Variants in ATAD3A observed in about 807,000 individuals in gnomAD.
The protein encoded by ATAD3A is ATPase family AAA domain-containing protein 3A.
ATAD3A carries 46 observed loss-of-function variants against 73.8 expected under a neutral mutation model. The ratio of observed to expected loss-of-function variants is 0.62; its 90% confidence interval spans 0.49 to 0.80. The LOEUF (loss-of-function observed/expected upper bound fraction) is 0.80, where lower values mean the gene tolerates loss of function less well. Among genes scored for constraint, ATAD3A ranks in the 30% least tolerant of loss-of-function variants. The pLI, the probability that ATAD3A is intolerant of heterozygous loss-of-function variation, is 0.00. For missense variants in ATAD3A, 705 were observed against 838.0 expected (o/e 0.84, Z 1.96); for synonymous variants, 319 against 350.0 (o/e 0.91, Z 0.99).
At position 1,527,561 on chromosome 1, in the gene ATAD3A, G is replaced by A. The variant is rs868384194; in HGVS notation, c.1338-134G>A. On this transcript the variant is annotated intron_variant, in intron 13 of 15. Transcript: ENST00000378756. ...GCTGGGTGCAGTGGGGCAGGTGGCC[G>A]ACCAGGGCTGTGCCCGTGTCCTCGT... The A allele has an allele frequency of 5.8e-5, 74 of 1,273,988 alleles. No homozygotes were observed. In the African/African-American group the frequency reaches 9.0e-4, roughly 16 times the overall value. The allele number at this position is 1,273,988 out of a possible 1,614,324, so 78.9% of individuals were successfully genotyped here.
At chr1:1,516,216 A>T in intron 2 of ATAD3A, 128 bp downstream of exon 2, 1 of 1,401,868 alleles carries the variant, frequency 7.1e-7, no homozygotes, top group East Asian at 2.5e-5. Context: ...CCCAGGGCCA[A>T]GCTTGGGCGC....
At chr1:1,528,790 G>A (rs1246664332) in intron 14 of ATAD3A, among the ~76,000 whole-genome samples, 2 of 152,232 alleles carry the variant, frequency 1.3e-5, no homozygotes, top group Admixed American at 6.5e-5. Flanking sequence ...CCTGCTCCAT[G>A]CCAGCCCAGC....
chr1:1,520,417 C>T lies in ATAD3A; in HGVS notation c.680+111C>T, dbSNP rs1044037674. 39 of 1,593,610 alleles carry T rather than the reference C, an allele frequency of 2.4e-5. No homozygotes were observed. Among genetic ancestry groups the T allele is most frequent in the Non-Finnish European group, 3.2e-5 (37 of 1,166,668 alleles). Reference sequence around the variant, plus strand: ...AGGCCTTGCCGCCGTAGGCTGACTCCTTGGTGGGGGCACTGCCCCTCTGTC... The same window carrying T: ...AGGCCTTGCCGCCGTAGGCTGACTCTTTGGTGGGGGCACTGCCCCTCTGTC... On this transcript the variant is annotated intron_variant, in intron 6 of 15. Coordinates refer to ENST00000378756, the MANE Select transcript of ATAD3A (RefSeq NM_001170535.3). The surrounding 1 kb of genome is among the most constrained non-coding windows in gnomAD (Gnocchi z 4.0).
intron 15 of ATAD3A, among the ~76,000 whole-genome samples, chr1:1,533,646 G>A (rs1331616742): frequency 6.6e-5 from 10 of 152,122 alleles, no homozygotes; most frequent in Admixed American, 6.5e-4. Context: ...AAGCTGCCCT[G>A]GGTCGGCGGT....
At position 1,529,429 on chromosome 1, in the gene ATAD3A, A is replaced by G. The variant is rs547810136; in HGVS notation, c.1614+98A>G. 5.4e-6 allele frequency: 8 copies of G among 1,490,944 alleles called. No homozygotes were observed. The South Asian group carries it at 9.4e-5, about 17-fold the overall frequency. 92.4% of individuals were successfully genotyped at this position (1,490,944 alleles called of 1,614,324 possible). A position where few individuals can be genotyped will look rare whatever the true frequency, so the allele number is the denominator to read the frequency against. Reference sequence around the variant, plus strand: ...TGTCCCAGCACCGGTGTCACGCGGGAGCTTCTGTTGAGGGGTTTTCAGTGC... The same window carrying G: ...TGTCCCAGCACCGGTGTCACGCGGGGGCTTCTGTTGAGGGGTTTTCAGTGC... On this transcript the variant is annotated intron_variant, in intron 15 of 15. Transcript: ENST00000378756.
Position 1,534,314 on chromosome 1 carries a change from A to G in ATAD3A, c.*242A>G, listed in dbSNP as rs1324668680. 2.1e-6 allele frequency: 3 copies of G among 1,419,766 alleles called. No individual in the cohort carries two copies. The highest frequency in any genetic ancestry group is 2.6e-5 in the East Asian group (1 of 38,716). 87.9% of individuals were successfully genotyped at this position (1,419,766 alleles called of 1,614,324 possible). On this transcript the variant is annotated 3_prime_UTR_variant, in exon 16 of 16. Transcript: ENST00000378756. ...CTGCCCCTCGAGACACTCTTGGGAG[A>G]TGCATTTTCCGTCTGGCTCACAGGG... is the stretch of plus-strand genomic sequence containing the variant.
At chr1:1,533,786 G>A (rs1405107114) in intron 15 of ATAD3A, 140 bp from the exon 16 acceptor site, 19 of 1,243,964 alleles carry the variant, frequency 1.5e-5, no homozygotes, top group Admixed American at 2.6e-5. Flanking sequence ...GGGCTCTGCC[G>A]AGGTGCGGGA....
In ATAD3A at chr1:1,520,046, G is replaced by A. The variant is rs1285082126; in HGVS notation, c.515-95G>A. The A allele has an allele frequency of 1.2e-4, 180 of 1,513,854 alleles. No individual in the cohort carries two copies. The highest frequency in any genetic ancestry group is 1.2e-3 in the Middle Eastern group (5 of 4,244). 93.8% of individuals were successfully genotyped at this position (1,513,854 alleles called of 1,614,324 possible). On this transcript the variant is annotated intron_variant, in intron 5 of 15. Coordinates refer to ENST00000378756, the MANE Select transcript of ATAD3A (RefSeq NM_001170535.3). This position sits in a 1 kb window ranked among gnomAD's most constrained non-coding sequence, Gnocchi z 4.0. ...TCTGTGGCGTTGGTCTGTCCGTGGC[G>A]TGGGCCGGTCCGTGGCGTGGGCCGG...
rs114557796 is a variant in ATAD3A, at chr1:1,522,651, G to T, written c.751-93G>T. The T allele has an allele frequency of 5.4e-3, 8,568 of 1,573,410 alleles. 245 individuals carry two copies. In the African/African-American group the frequency reaches 0.073, roughly 13 times the overall value. On this transcript the variant is annotated intron_variant, in intron 7 of 15. Transcript: ENST00000378756. The stretch of plus-strand genomic sequence containing the variant: ...GCACGGCCCTGTGCTTCTCCCTCGG[G>T]CGGAGAGAGGGTGGGGGCAGCCCCG...
At chr1:1,526,967 C>A (rs1557474739) in intron 13 of ATAD3A, among the ~76,000 whole-genome samples, 1 of 152,238 alleles carries the variant, frequency 6.6e-6, no homozygotes. Context: ...CGGGGCGGAA[C>A]CTGGGACCTT....
Position 1,523,734 on chromosome 1 carries a change from G to T in ATAD3A, c.964-105G>T. 1 of 1,590,038 alleles carries T rather than the reference G, an allele frequency of 6.3e-7. No homozygotes were observed. The highest frequency in any genetic ancestry group is 8.6e-7 in the Non-Finnish European group (1 of 1,166,772). ...AGATAGGCTGCCCCTGAGGTGGGAG[G>T]CTTCCCGAGGAGCCGAGTCTGCACC... On this transcript the variant is annotated intron_variant, in intron 9 of 15. Coordinates refer to ENST00000378756, the MANE Select transcript of ATAD3A (RefSeq NM_001170535.3). This position sits in a 1 kb window ranked among gnomAD's most constrained non-coding sequence, Gnocchi z 5.1.
Position 1,527,759 on chromosome 1 carries a change from A to C in ATAD3A, c.1402A>C (p.Asn468His), listed in dbSNP as rs769794370. 1 of 1,613,950 alleles carries C rather than the reference A, an allele frequency of 6.2e-7. No homozygotes were observed. The highest frequency in any genetic ancestry group is 8.5e-7 in the Non-Finnish European group (1 of 1,179,954). Residue 468 changes from asparagine (N) to histidine (H), a missense_variant, in exon 14 of 16, where the codon AAT (asparagine) becomes CAT (histidine). Asn to His is a moderately conservative substitution (Grantham distance 68). Coordinates refer to ENST00000378756, the MANE Select transcript of ATAD3A (RefSeq NM_001170535.3). ...QFDWAINDRI[N>H]EMVHFDLPGQ... ...CGACTGGGCCATCAATGACCGCATC[A>C]ATGAGATGGTCCACTTCGACCTGCC...
At chr1:1,522,567 C>T (rs1641636833) in intron 7 of ATAD3A, among the ~76,000 whole-genome samples, 177 bp from the exon 8 acceptor site, 1 of 152,240 alleles carries the variant, frequency 6.6e-6, no homozygotes, top group African/African-American at 2.4e-5. Context: ...CCACCTGCCT[C>T]CTGTAACCGC....
chr1:1,522,234 T>C (rs1641624957), intron 7 of ATAD3A, among the ~76,000 whole-genome samples: 1 of 151,714 alleles, frequency 6.6e-6, no homozygotes, highest in African/African-American at 2.4e-5. Context: ...AGAGACGGGG[T>C]TTCTCCATGT....
At chr1:1,514,315 A>G (rs577592181) in intron 1 of ATAD3A, among the ~76,000 whole-genome samples, 1 of 151,992 alleles carries the variant, frequency 6.6e-6, no homozygotes, top group South Asian at 2.1e-4. Flanking sequence ...CGTGACACCC[A>G]CGTTCCTGTC....
intron 1 of ATAD3A, among the ~76,000 whole-genome samples, chr1:1,513,045 C>T (rs1284543766): frequency 6.6e-6 from 1 of 152,244 alleles, no homozygotes; most frequent in African/African-American, 2.4e-5. Context: ...GGTGTGAGCA[C>T]TCACCATGTT....
intron 5 of ATAD3A, among the ~76,000 whole-genome samples, chr1:1,519,226 G>A (rs1369893823): frequency 6.8e-6 from 1 of 147,830 alleles, no homozygotes; most frequent in African/African-American, 2.5e-5. Flanking sequence ...GGAAGTACAG[G>A]GGCCTTTTTT....
Position 1,513,697 on chromosome 1 carries a change from C to A in ATAD3A, c.205+1224C>A, listed in dbSNP as rs9439455. ...GAGAGGTTTCTCCAGAGTTGACTGC[C>A]CCCTTTCCCCGGGTGCCCCCTGCCC... On this transcript the variant is annotated intron_variant, in intron 1 of 15. Coordinates refer to ENST00000378756, the MANE Select transcript of ATAD3A (RefSeq NM_001170535.3). 1.5e-3 allele frequency among the ~76,000 whole-genome samples: 228 copies of A among 152,242 alleles called. 2 individuals carry two copies. Among genetic ancestry groups the A allele is most frequent in the Middle Eastern group, 0.014 (4 of 294 alleles).
At chr1:1,519,135 G>T in intron 5 of ATAD3A, 145 bp downstream of exon 5, 2 of 1,539,294 alleles carry the variant, frequency 1.3e-6, no homozygotes, top group Non-Finnish European at 8.8e-7. Context: ...CGCGGGGTGG[G>T]GCTGCCTCTC....
Sources: gnomAD v4.1 joint callset for allele counts (sites outside exome capture counted in the v4.1 genomes callset) on GRCh38, gnomAD v4.1.1 for gene constraint, Gnocchi (gnomAD v3.1) non-coding constraint, MANE v1.5 for transcripts, NCBI Gene and HGNC (gene_info 2026-07-23, HGNC 2026-07-21) for gene names.